Variants in PRKCI observed in about 807,000 individuals in gnomAD.
PRKCI encodes the protein protein kinase C iota, also known as protein kinase C iota type.
In PRKCI, 43 loss-of-function variants were observed where a neutral mutation model predicts 84.0. That is an observed-to-expected ratio of 0.51 (90% CI 0.40 to 0.66). The LOEUF is 0.66. Among genes scored for constraint, PRKCI ranks in the 30% least tolerant of loss-of-function variants. The probability of loss-of-function intolerance (pLI) is 0.00; values close to 1 mark genes in which losing one functional copy is unlikely to be tolerated. For synonymous variants in PRKCI, 216 were observed against 234.4 expected (o/e 0.92, Z 0.72); for missense variants, 459 against 745.6 (o/e 0.62, Z 4.48).
intron 2 of PRKCI, among the ~76,000 whole-genome samples, chr3:170,247,718 A>G (rs183515085): frequency 0.02 from 2,797 of 143,424 alleles, 46 homozygotes; most frequent in East Asian, 0.079. Context: ...CAACAAGAGC[A>G]AAACTCTGTC....
chr3:170,267,611 T>G (rs902774635), intron 4 of PRKCI, among the ~76,000 whole-genome samples: 1 of 145,892 alleles, frequency 6.9e-6, no homozygotes, highest in Non-Finnish European at 1.5e-5. Context: ...AGGTGGAGGT[T>G]GCAGTGAGCT....
intron 1 of PRKCI, among the ~76,000 whole-genome samples, chr3:170,225,577 T>C (rs1178005483): frequency 4.0e-5 from 6 of 150,762 alleles, no homozygotes; most frequent in Non-Finnish European, 5.9e-5. Flanking sequence ...CTTTTCTTTT[T>C]TTTTTTTTTA....
At chr3:170,225,973 C>T (rs993442037) in intron 1 of PRKCI, among the ~76,000 whole-genome samples, 10 of 151,796 alleles carry the variant, frequency 6.6e-5, no homozygotes, top group Non-Finnish European at 1.2e-4. Flanking sequence ...AGTGCAGTGG[C>T]GTGATCTCGG....
At chr3:170,262,453 T>C (rs1388395270) in intron 3 of PRKCI, among the ~76,000 whole-genome samples, 4 of 152,296 alleles carry the variant, frequency 2.6e-5, no homozygotes, top group African/African-American at 9.6e-5. Flanking sequence ...TTTGAGCTTC[T>C]GATGCATTGG....
At chr3:170,262,515 C>G (rs1453818331) in intron 3 of PRKCI, among the ~76,000 whole-genome samples, 8 of 152,154 alleles carry the variant, frequency 5.3e-5, no homozygotes, top group African/African-American at 1.7e-4. Context: ...GTGTCTCATT[C>G]TGTCACCTGG....
chr3:170,301,329 G>A (rs1734812389), intron 17 of PRKCI, among the ~76,000 whole-genome samples: 2 of 152,168 alleles, frequency 1.3e-5, no homozygotes, highest in African/African-American at 4.8e-5. Context: ...TACCTCATAA[G>A]GTTGCTGTGA....
chr3:170,288,034 A>G (rs528010010), intron 12 of PRKCI, among the ~76,000 whole-genome samples: 18 of 151,724 alleles, frequency 1.2e-4, no homozygotes, highest in African/African-American at 4.1e-4. Context: ...ATCACAGGTC[A>G]GGAGATTGAG....
chr3:170,279,118 G>C (rs1335065719), intron 8 of PRKCI, among the ~76,000 whole-genome samples: 2 of 152,110 alleles, frequency 1.3e-5, no homozygotes, highest in Non-Finnish European at 2.9e-5. Context: ...ACCTTGACCT[G>C]CCTGGCTCAG....
chr3:170,245,949 G>GTTTTTTTTTTTTT lies in PRKCI; in HGVS notation c.223+10607_223+10619dup, dbSNP rs112482352. Among the ~76,000 whole-genome samples the GTTTTTTTTTTTTT allele has an allele frequency of 4.9e-4, 40 of 82,456 alleles. 2 individuals carry two copies. The highest frequency in any genetic ancestry group is 1.7e-3 in the African/African-American group (34 of 20,442). 54.1% of individuals were successfully genotyped at this position (82,456 alleles called of 152,430 possible). A position where few individuals can be genotyped will look rare whatever the true frequency, so the allele number is the denominator to read the frequency against. ...TTTTTTCCCTGGATGTTATGTCTTT[G>GTTTTTTTTTTTTT]TTTTTTTTTTTTTTTTTTTTTCTGA... is the stretch of plus-strand genomic sequence containing the variant. On this transcript the variant is annotated intron_variant, in intron 2 of 17. Coordinates refer to ENST00000295797, the MANE Select transcript of PRKCI (RefSeq NM_002740.6).
Position 170,304,302 on chromosome 3 carries a change from C to A in PRKCI, c.*1175C>A, listed in dbSNP as rs2108870536. 1 of 152,244 alleles carries A rather than the reference C, an allele frequency of 6.6e-6. No individual in the cohort carries two copies. Among genetic ancestry groups the A allele is most frequent in the South Asian group, 2.1e-4 (1 of 4,822 alleles). 9.4% of individuals were successfully genotyped at this position (152,244 alleles called of 1,614,324 possible). On this transcript the variant is annotated 3_prime_UTR_variant, in exon 18 of 18. Coordinates refer to ENST00000295797, the MANE Select transcript of PRKCI (RefSeq NM_002740.6). ...TTATTTCCTATTGGAGAGTGAATCC[C>A]CACAGTTGCTTTTTGTGACTTGATT...
At chr3:170,227,017 G>A (rs1732644749) in intron 1 of PRKCI, among the ~76,000 whole-genome samples, 1 of 152,202 alleles carries the variant, frequency 6.6e-6, no homozygotes, top group Admixed American at 6.5e-5. Flanking sequence ...AGTCTGGCGA[G>A]GCCAGAACTG....
chr3:170,275,604 G>A (rs1734096308), intron 8 of PRKCI, among the ~76,000 whole-genome samples: 1 of 151,960 alleles, frequency 6.6e-6, no homozygotes, highest in African/African-American at 2.4e-5. Flanking sequence ...TCCGTTTTGT[G>A]CCTGAATTGC....
intron 13 of PRKCI, among the ~76,000 whole-genome samples, chr3:170,293,047 A>G (rs558875836): frequency 6.6e-6 from 1 of 152,096 alleles, no homozygotes; most frequent in South Asian, 2.1e-4. Context: ...TCTCAAAAAA[A>G]AAAAAAAAAA....
At position 170,273,267 on chromosome 3, in the gene PRKCI, T is replaced by C. The variant is rs1396995046; in HGVS notation, c.592-19T>C. The C allele has an allele frequency of 6.2e-7, 1 of 1,608,548 alleles. No homozygotes were observed. Among genetic ancestry groups the C allele is most frequent in the South Asian group, 1.1e-5 (1 of 90,950 alleles). Reference sequence around the variant, plus strand: ...AGAGGTACTCCACTGAGTTACTGTGTCTTTGGAAATGTTTGTAGGAACCAG... The same window carrying C: ...AGAGGTACTCCACTGAGTTACTGTGCCTTTGGAAATGTTTGTAGGAACCAG... On this transcript the variant is annotated intron_variant, in intron 6 of 17. Transcript: ENST00000295797.
chr3:170,264,068 C>A (rs1733799442), intron 4 of PRKCI, among the ~76,000 whole-genome samples: 1 of 152,114 alleles, frequency 6.6e-6, no homozygotes. Context: ...ATATCCTTTG[C>A]CCAGATTTAC....
chr3:170,240,687 A>C (rs1733108111), intron 2 of PRKCI, among the ~76,000 whole-genome samples: 1 of 152,176 alleles, frequency 6.6e-6, no homozygotes, highest in African/African-American at 2.4e-5. Flanking sequence ...ATTCTCTAGG[A>C]TCAAAGACAG....
chr3:170,274,828 T>G (rs1734076410), intron 7 of PRKCI, among the ~76,000 whole-genome samples: 1 of 152,114 alleles, frequency 6.6e-6, no homozygotes, highest in African/African-American at 2.4e-5. Context: ...GAGTGAGAAG[T>G]GAAAACCAGA....
intron 2 of PRKCI, among the ~76,000 whole-genome samples, chr3:170,242,832 G>A (rs570704539): frequency 1.3e-5 from 2 of 151,776 alleles, no homozygotes; most frequent in South Asian, 2.1e-4. Context: ...CACCATGCCC[G>A]GCTAATTTTT....
At chr3:170,278,984 G>T (rs894681147) in intron 8 of PRKCI, among the ~76,000 whole-genome samples, 2 of 152,158 alleles carry the variant, frequency 1.3e-5, no homozygotes, top group African/African-American at 4.8e-5. Context: ...GAGATTTGGA[G>T]GGGTCAGATA....
Sources: gnomAD v4.1 joint callset for allele counts (sites outside exome capture counted in the v4.1 genomes callset) on GRCh38, gnomAD v4.1.1 for gene constraint, MANE v1.5 for transcripts, NCBI Gene and HGNC (gene_info 2026-07-23, HGNC 2026-07-21) for gene names.